CHSY3: variants seen among roughly 807,000 people sequenced by gnomAD.
CHSY3 encodes N-acetylgalactosaminyl-proteoglycan 3-beta-glucuronosyltransferase 3.
In CHSY3, 35 loss-of-function variants were observed where a neutral mutation model predicts 67.2. The ratio of observed to expected loss-of-function variants is 0.52; its 90% confidence interval spans 0.40 to 0.69. The LOEUF is 0.69. CHSY3 is among the 30% of genes least tolerant of loss of function. CHSY3 has a pLI of 0.00. For synonymous variants in CHSY3, 474 were observed against 434.7 expected (o/e 1.09, Z -1.12); for missense variants, 1,069 against 1,138.5 (o/e 0.94, Z 0.88).
At chr5:129,914,475 A>G (rs946818129) in intron 2 of CHSY3, among the ~76,000 whole-genome samples, 1 of 152,204 alleles carries the variant, frequency 6.6e-6, no homozygotes, top group African/African-American at 2.4e-5. Flanking sequence ...CCCCCAAAGT[A>G]TATTCATATA....
intron 2 of CHSY3, among the ~76,000 whole-genome samples, chr5:130,089,566 A>G (rs1272500597): frequency 6.6e-6 from 1 of 152,142 alleles, no homozygotes; most frequent in East Asian, 1.9e-4. Flanking sequence ...TCAGCATCAG[A>G]TCTATTTGTG....
At chr5:130,093,857 A>G (rs1193629184) in intron 2 of CHSY3, among the ~76,000 whole-genome samples, 1 of 152,170 alleles carries the variant, frequency 6.6e-6, no homozygotes, top group Non-Finnish European at 1.5e-5. Flanking sequence ...AGTCCATATA[A>G]TGGTGATCAG....
intron 2 of CHSY3, among the ~76,000 whole-genome samples, chr5:130,044,521 G>A (rs1363954025): frequency 2.0e-5 from 3 of 152,124 alleles, no homozygotes; most frequent in African/African-American, 7.2e-5. Flanking sequence ...AGTTGCTGGA[G>A]AGAATATGAA....
chr5:130,170,247 G>GT (rs1410729600), intron 2 of CHSY3, among the ~76,000 whole-genome samples: 2 of 151,996 alleles, frequency 1.3e-5, no homozygotes, highest in Non-Finnish European at 2.9e-5. Flanking sequence ...TTGGTTTCTT[G>GT]TTTCTGAGTT....
intron 2 of CHSY3, among the ~76,000 whole-genome samples, chr5:130,032,615 G>T (rs536905651): frequency 6.6e-6 from 1 of 152,014 alleles, no homozygotes; most frequent in Non-Finnish European, 1.5e-5. Flanking sequence ...AGTTCTACCC[G>T]CCTCACTTCA....
intron 2 of CHSY3, among the ~76,000 whole-genome samples, chr5:129,910,979 ATTTT>A (rs80188117): frequency 7.4e-6 from 1 of 135,376 alleles, no homozygotes; most frequent in Non-Finnish European, 1.6e-5. Context: ...AAATTTTAGG[ATTTT>A]TTTTTTTTTT....
Position 130,135,750 on chromosome 5 carries a change from G to A in CHSY3, c.1087-48479G>A, listed in dbSNP as rs1223459960. ...TCTGGAAATAACTCCGTGTGTCTCA[G>A]TGGGGACCATGTCTTGATTATATAT... On this transcript the variant is annotated intron_variant, in intron 2 of 2. Coordinates refer to ENST00000305031, the MANE Select transcript of CHSY3 (RefSeq NM_175856.5). Among the ~76,000 whole-genome samples the A allele has an allele frequency of 4.6e-5, 7 of 152,156 alleles. 1 individual carries two copies. Among genetic ancestry groups the A allele is most frequent in the Admixed American group, 4.6e-4 (7 of 15,272 alleles).
intron 2 of CHSY3, among the ~76,000 whole-genome samples, chr5:130,015,913 T>C (rs55677632): frequency 6.6e-6 from 1 of 152,156 alleles, no homozygotes; most frequent in Admixed American, 6.5e-5. Flanking sequence ...TAAAAATGAA[T>C]GAAATCATGT....
At chr5:129,994,041 C>T (rs1763453284) in intron 2 of CHSY3, among the ~76,000 whole-genome samples, 1 of 152,160 alleles carries the variant, frequency 6.6e-6, no homozygotes, top group African/African-American at 2.4e-5. Context: ...ATATTGGCCC[C>T]CACTGTCTTC....
At chr5:130,049,112 T>C (rs1371932368) in intron 2 of CHSY3, among the ~76,000 whole-genome samples, 1 of 152,066 alleles carries the variant, frequency 6.6e-6, no homozygotes, top group Non-Finnish European at 1.5e-5. Flanking sequence ...TTACATAATT[T>C]ACAACATTTA....
At chr5:130,001,987 CT>C in intron 2 of CHSY3, 2 of 872,984 alleles carry the variant, frequency 2.3e-6, no homozygotes, top group Non-Finnish European at 2.7e-6. Flanking sequence ...TAAGCCAATG[CT>C]TATAGTAACT....
intron 2 of CHSY3, among the ~76,000 whole-genome samples, chr5:130,006,770 G>A (rs1237867306): frequency 3.3e-5 from 5 of 152,074 alleles, no homozygotes; most frequent in Non-Finnish European, 7.4e-5. Context: ...GTTGCATATA[G>A]GAAGGGGATA....
At chr5:130,143,829 T>TATATATAC in intron 2 of CHSY3, among the ~76,000 whole-genome samples, 1 of 131,902 alleles carries the variant, frequency 7.6e-6, no homozygotes, top group Non-Finnish European at 1.6e-5. Flanking sequence ...TATATATATA[T>TATATATAC]ATATATATAT....
intron 2 of CHSY3, among the ~76,000 whole-genome samples, chr5:130,062,264 G>A (rs745450424): frequency 1.2e-4 from 18 of 151,652 alleles, no homozygotes; most frequent in Non-Finnish European, 2.1e-4. Flanking sequence ...TATGGAGTTG[G>A]AGGCCATTAT....
chr5:129,985,787 G>A (rs188634453), intron 2 of CHSY3, among the ~76,000 whole-genome samples: 19 of 152,156 alleles, frequency 1.2e-4, no homozygotes, highest in African/African-American at 3.9e-4. Flanking sequence ...TGTGGCTTTT[G>A]TGAATGGGAT....
chr5:130,056,724 C>A (rs1283709442), intron 2 of CHSY3, among the ~76,000 whole-genome samples: 1 of 151,898 alleles, frequency 6.6e-6, no homozygotes, highest in Non-Finnish European at 1.5e-5. Flanking sequence ...TGACTCAGTC[C>A]TTACTAGCTA....
At chr5:130,054,301 C>G (rs1396452989) in intron 2 of CHSY3, among the ~76,000 whole-genome samples, 2 of 152,078 alleles carry the variant, frequency 1.3e-5, no homozygotes, top group African/African-American at 4.8e-5. Flanking sequence ...TCCTATTTCC[C>G]TGATGATATT....
chr5:130,002,018 C>T lies in CHSY3; in HGVS notation c.1086+93658C>T, dbSNP rs1471651348. 3.4e-6 allele frequency: 3 copies of T among 875,162 alleles called. No individual in the cohort carries two copies. The African/African-American group carries it at 5.5e-5, about 16-fold the overall frequency. 54.2% of individuals were successfully genotyped at this position (875,162 alleles called of 1,614,324 possible). ...GTAACTTAGAGCTACTCTCTAAGTC[C>T]TTTTTCTGTGTTCTTTTTTTTAACT... is the stretch of plus-strand genomic sequence containing the variant. On this transcript the variant is annotated intron_variant, in intron 2 of 2. Coordinates refer to ENST00000305031, the MANE Select transcript of CHSY3 (RefSeq NM_175856.5).
chr5:130,127,222 C>T (rs1044479754), intron 2 of CHSY3, among the ~76,000 whole-genome samples: 1 of 152,186 alleles, frequency 6.6e-6, no homozygotes, highest in South Asian at 2.1e-4. Flanking sequence ...ATAGACTTAG[C>T]CTTTCTTTCT....
Sources: allele counts gnomAD v4.1 joint callset (sites outside exome capture counted in the v4.1 genomes callset), GRCh38; gene constraint gnomAD v4.1.1; transcripts MANE v1.5; gene names NCBI Gene and HGNC (gene_info 2026-07-23, HGNC 2026-07-21).